Variants in VDAC1 observed in about 807,000 individuals in gnomAD.
The protein encoded by VDAC1 is non-selective voltage-gated ion channel VDAC1.
In VDAC1, 10 loss-of-function variants were observed where a neutral mutation model predicts 34.7. The observed-to-expected ratio is 0.29, with a 90% CI of 0.18 to 0.49. The LOEUF is 0.49. Ranked by LOEUF, VDAC1 falls within the 20% of genes least tolerant of loss-of-function variation. VDAC1 has a pLI of 0.99. For missense variants in VDAC1, 230 were observed against 347.9 expected, an observed-to-expected ratio of 0.66 and a Z score of 2.69; for synonymous variants, 130 against 136.0, an observed-to-expected ratio of 0.96 and a Z score of 0.30.
At chr5:134,078,835 G>A in the VDAC1 span, among the ~76,000 whole-genome samples, 1 of 151,848 alleles carries the variant, frequency 6.6e-6, no homozygotes, top group African/African-American at 2.4e-5. Flanking sequence ...ATTTTTAGTA[G>A]AGATGGGGTT....
At chr5:133,991,788 C>T (rs538221536) in intron 3 of VDAC1, among the ~76,000 whole-genome samples, 25 of 152,032 alleles carry the variant, frequency 1.6e-4, no homozygotes, top group Admixed American at 3.3e-4. Context: ...GGCCAGGTCA[C>T]GACAGTTATT....
At chr5:134,104,493 C>T in the VDAC1 span, among the ~76,000 whole-genome samples, 2 of 152,204 alleles carry the variant, frequency 1.3e-5, no homozygotes, top group Non-Finnish European at 2.9e-5. Context: ...TAAGGGTGCC[C>T]TCTGCCCGAG....
chr5:134,055,489 G>T, the VDAC1 span, among the ~76,000 whole-genome samples: 1 of 151,578 alleles, frequency 6.6e-6, no homozygotes, highest in African/African-American at 2.4e-5. Context: ...GCGCGATCTC[G>T]GCTCACTGCA....
the VDAC1 span, among the ~76,000 whole-genome samples, chr5:134,085,702 AC>A: frequency 7.8e-6 from 1 of 128,680 alleles, no homozygotes; most frequent in Non-Finnish European, 1.6e-5. Context: ...AGCCTGTGCA[AC>A]ATAGCAAGAC....
the VDAC1 span, among the ~76,000 whole-genome samples, chr5:134,080,922 G>GTAATTGC: frequency 6.6e-6 from 1 of 151,852 alleles, no homozygotes; most frequent in Non-Finnish European, 1.5e-5. Flanking sequence ...TCTTGCCCAG[G>GTAATTGC]CTAGAGGGCA....
At chr5:134,039,544 T>C in the VDAC1 span, among the ~76,000 whole-genome samples, 3 of 151,950 alleles carry the variant, frequency 2.0e-5, no homozygotes, top group Admixed American at 6.6e-5. Flanking sequence ...TTAGCCAGGA[T>C]GGTCTCGATC....
At chr5:134,005,939 C>T (rs1472149843), upstream of VDAC1, among the ~76,000 whole-genome samples, 1 of 152,212 alleles carries the variant, frequency 6.6e-6, no homozygotes, top group East Asian at 1.9e-4. Context: ...CCAGCTGCGA[C>T]ACTATCTAAA....
chr5:134,084,315 G>A, the VDAC1 span, among the ~76,000 whole-genome samples: 9 of 152,202 alleles, frequency 5.9e-5, no homozygotes, highest in Admixed American at 6.5e-5. Flanking sequence ...GAAAGGCCTT[G>A]TAGGGGCCTC....
chr5:134,054,704 G>T, the VDAC1 span, among the ~76,000 whole-genome samples: 1 of 151,938 alleles, frequency 6.6e-6, no homozygotes, highest in African/African-American at 2.4e-5. Flanking sequence ...CAGGTGATCC[G>T]CCCACCTTGG....
At chr5:134,022,032 C>T in the VDAC1 span, among the ~76,000 whole-genome samples, 11 of 152,192 alleles carry the variant, frequency 7.2e-5, no homozygotes, top group Middle Eastern at 6.3e-3. Flanking sequence ...AGGCATGTGC[C>T]ACCACGCCAG....
At chr5:133,989,989 A>C (rs1753043846) in intron 5 of VDAC1, among the ~76,000 whole-genome samples, 1 of 152,226 alleles carries the variant, frequency 6.6e-6, no homozygotes, top group African/African-American at 2.4e-5. Flanking sequence ...GAAATTCAGT[A>C]CATGCCCTTG....
At chr5:134,067,404 T>C in the VDAC1 span, among the ~76,000 whole-genome samples, 1 of 127,070 alleles carries the variant, frequency 7.9e-6, no homozygotes, top group East Asian at 2.5e-4. Flanking sequence ...TTATTTTCCC[T>C]AGCAGGTTAG....
chr5:134,033,865 G>A, the VDAC1 span, among the ~76,000 whole-genome samples: 9 of 151,942 alleles, frequency 5.9e-5, no homozygotes, highest in East Asian at 3.9e-4. Flanking sequence ...GGTGGCAGGC[G>A]CCTGTAGTCC....
chr5:134,109,129 AT>A, the VDAC1 span, among the ~76,000 whole-genome samples: 2 of 6,844 alleles, frequency 2.9e-4, no homozygotes, highest in Non-Finnish European at 1.6e-3. Context: ...GCTATGGATG[AT>A]CGATCCATCC....
At chr5:134,033,675 A>G in the VDAC1 span, among the ~76,000 whole-genome samples, 13 of 127,118 alleles carry the variant, frequency 1.0e-4, no homozygotes, top group African/African-American at 3.7e-4. Context: ...CCCAAAATGG[A>G]AAAAAAAAAA....
the VDAC1 span, among the ~76,000 whole-genome samples, chr5:134,083,086 GATTTAGATTTATGAAATACATA>G: frequency 1.3e-5 from 2 of 151,992 alleles, no homozygotes; most frequent in Admixed American, 6.6e-5. Context: ...AAATACATAA[GATTTAGATTTATGAAATACATA>G]AAGTCACTTG....
chr5:134,102,529 G>C, the VDAC1 span, among the ~76,000 whole-genome samples: 1 of 151,996 alleles, frequency 6.6e-6, no homozygotes, highest in African/African-American at 2.4e-5. Context: ...TTAGCCAGGC[G>C]TGGTGGCGCA....
At chr5:134,064,319 TGAGA>T in the VDAC1 span, among the ~76,000 whole-genome samples, 28 of 151,962 alleles carry the variant, frequency 1.8e-4, no homozygotes, top group African/African-American at 5.8e-4. Context: ...GGTTTTTTTT[TGAGA>T]GAGAGAGAGT....
the VDAC1 span, among the ~76,000 whole-genome samples, chr5:134,105,345 T>G: frequency 1.3e-5 from 2 of 152,306 alleles, no homozygotes; most frequent in Admixed American, 1.3e-4. Flanking sequence ...AGAACTATAG[T>G]CAGTTTGGAG....
Sources: gnomAD v4.1 joint callset for allele counts (sites outside exome capture counted in the v4.1 genomes callset) on GRCh38, gnomAD v4.1.1 for gene constraint, MANE v1.5 for transcripts, NCBI Gene and HGNC (gene_info 2026-07-23, HGNC 2026-07-21) for gene names.